Variants in PRKCE observed in about 807,000 individuals in gnomAD.
PRKCE encodes the protein protein kinase C epsilon, also known as protein kinase C epsilon type.
PRKCE carries 16 observed loss-of-function variants against 85.4 expected under a neutral mutation model. The observed-to-expected ratio is 0.19, with a 90% CI of 0.13 to 0.28. The LOEUF (loss-of-function observed/expected upper bound fraction) is 0.28. PRKCE is among the 10% of genes least tolerant of loss of function. PRKCE has a pLI of 1.00. For missense variants in PRKCE, 573 were observed against 975.2 expected, an observed-to-expected ratio of 0.59 and a Z score of 5.49; for synonymous variants, 388 against 371.5, an observed-to-expected ratio of 1.04 and a Z score of -0.51.
At chr2:45,771,537 C>A in intron 1 of PRKCE, among the ~76,000 whole-genome samples, 1 of 152,190 alleles carries the variant, frequency 6.6e-6, no homozygotes, top group South Asian at 2.1e-4. Context: ...ACAGCACACA[C>A]TCTGTGGGCC....
chr2:45,765,937 G>A (rs554480902), intron 1 of PRKCE, among the ~76,000 whole-genome samples: 207 of 152,314 alleles, frequency 1.4e-3, no homozygotes, highest in Non-Finnish European at 2.4e-3. Flanking sequence ...GGTAACTGTG[G>A]GTAGCAGAAA....
intron 8 of PRKCE, among the ~76,000 whole-genome samples, chr2:46,006,023 C>T (rs1438656711): frequency 6.6e-6 from 1 of 152,176 alleles, no homozygotes; most frequent in Non-Finnish European, 1.5e-5. Context: ...GCCCTGCATG[C>T]TCTCTGGCTC....
chr2:45,917,079 C>T (rs1697849217), intron 2 of PRKCE, among the ~76,000 whole-genome samples: 1 of 152,126 alleles, frequency 6.6e-6, no homozygotes. Context: ...GCTCAGGCAG[C>T]CTGCTTTTAT....
chr2:46,169,016 C>A (rs1047052478), intron 14 of PRKCE, among the ~76,000 whole-genome samples: 14 of 152,214 alleles, frequency 9.2e-5, no homozygotes, highest in Non-Finnish European at 2.1e-4. Flanking sequence ...AGAGCCTCAA[C>A]CCTCCCTCAC....
chr2:46,163,224 T>C (rs76786339), intron 14 of PRKCE, among the ~76,000 whole-genome samples: 11,133 of 150,112 alleles, frequency 0.074, 410 homozygotes, highest in Middle Eastern at 0.087. Context: ...TGGAGAGCCA[T>C]GGGGAAGTGG....
chr2:46,119,578 G>A (rs1041160258), intron 11 of PRKCE, among the ~76,000 whole-genome samples: 4 of 152,152 alleles, frequency 2.6e-5, no homozygotes, highest in African/African-American at 9.7e-5. Context: ...AGTTTTTAGT[G>A]TAGTGCCTCA....
intron 9 of PRKCE, among the ~76,000 whole-genome samples, chr2:46,009,768 TTAAA>T (rs1409721385): frequency 3.9e-5 from 6 of 152,252 alleles, no homozygotes; most frequent in Non-Finnish European, 8.8e-5. Flanking sequence ...AGGGAAATGG[TTAAA>T]TAAATTATAT....
chr2:46,040,250 G>T (rs938192107), intron 10 of PRKCE, among the ~76,000 whole-genome samples: 1 of 152,214 alleles, frequency 6.6e-6, no homozygotes, highest in Non-Finnish European at 1.5e-5. Context: ...AGCTGGTAGA[G>T]CTGGAGAGCT....
At position 45,909,866 on chromosome 2, in the gene PRKCE, A is replaced by C. The variant is rs187703596; in HGVS notation, c.413-66563A>C. On this transcript the variant is annotated intron_variant, in intron 2 of 14. Transcript: ENST00000306156. ...AAGGTGGGGCAGACACGTGGCCAAC[A>C]ACTTAATTTTCCCCAAACCTTATTT... Among the ~76,000 whole-genome samples, 107 of 152,310 alleles carry C rather than the reference A, an allele frequency of 7.0e-4. 2 individuals are homozygous for C. In the East Asian group the frequency reaches 0.018, roughly 26 times the overall value.
At chr2:45,996,478 A>G (rs1704228036) in intron 6 of PRKCE, among the ~76,000 whole-genome samples, 1 of 151,972 alleles carries the variant, frequency 6.6e-6, no homozygotes, top group Non-Finnish European at 1.5e-5. Flanking sequence ...GTTTTTGTTG[A>G]TGTTCTTTAT....
chr2:45,837,590 C>G (rs1192109887), intron 1 of PRKCE, among the ~76,000 whole-genome samples: 1 of 152,186 alleles, frequency 6.6e-6, no homozygotes, highest in Admixed American at 6.5e-5. Flanking sequence ...CAGTCCGGCT[C>G]CAGGGGTCTC....
intron 2 of PRKCE, among the ~76,000 whole-genome samples, chr2:45,889,447 T>C (rs1391177269): frequency 6.6e-6 from 1 of 152,218 alleles, no homozygotes; most frequent in East Asian, 1.9e-4. Flanking sequence ...AATCTCCCAC[T>C]GATTTTGATT....
intron 1 of PRKCE, among the ~76,000 whole-genome samples, chr2:45,836,304 C>T (rs1690871234): frequency 6.6e-6 from 1 of 152,280 alleles, no homozygotes; most frequent in African/African-American, 2.4e-5. Flanking sequence ...CTATTATAAG[C>T]CCATTAACAG....
chr2:46,023,298 C>G (rs1441549611), intron 10 of PRKCE, among the ~76,000 whole-genome samples: 3 of 152,114 alleles, frequency 2.0e-5, no homozygotes, highest in Non-Finnish European at 4.4e-5. Flanking sequence ...TATGTATTAC[C>G]TGTCCCCTAA....
chr2:46,132,264 C>G (rs1003561729), intron 11 of PRKCE, among the ~76,000 whole-genome samples: 1 of 152,174 alleles, frequency 6.6e-6, no homozygotes, highest in African/African-American at 2.4e-5. Context: ...CTTCTCTTGT[C>G]ACACTGTATG....
chr2:45,831,733 G>A (rs7573348), intron 1 of PRKCE, among the ~76,000 whole-genome samples: 117,808 of 152,022 alleles, frequency 0.77, 46,178 homozygotes, highest in African/African-American at 0.88. Context: ...GACCACCAGA[G>A]AAACCTATAT....
intron 2 of PRKCE, among the ~76,000 whole-genome samples, chr2:45,868,107 C>T (rs1352091949): frequency 6.6e-6 from 1 of 151,952 alleles, no homozygotes; most frequent in East Asian, 1.9e-4. Flanking sequence ...TGGGTTCAGT[C>T]CTGGCTTCAT....
intron 2 of PRKCE, among the ~76,000 whole-genome samples, chr2:45,874,203 C>A (rs1694303227): frequency 6.6e-6 from 1 of 152,238 alleles, no homozygotes; most frequent in Admixed American, 6.5e-5. Flanking sequence ...CACACTCAAT[C>A]AGAGGCCTAT....
intron 10 of PRKCE, among the ~76,000 whole-genome samples, chr2:46,080,090 ATGTTT>A (rs1188153076): frequency 6.6e-6 from 1 of 152,192 alleles, no homozygotes; most frequent in Non-Finnish European, 1.5e-5. Flanking sequence ...CAGGAAGTTG[ATGTTT>A]TGTTTTGTTT....
Sources: allele counts gnomAD v4.1 joint callset (sites outside exome capture counted in the v4.1 genomes callset), GRCh38; gene constraint gnomAD v4.1.1; transcripts MANE v1.5; gene names NCBI Gene and HGNC (gene_info 2026-07-23, HGNC 2026-07-21).